The following METTL9 variants were observed in gnomAD, a reference collection of about 807,000 sequenced individuals.
METTL9 encodes the protein protein-L-histidine N-pros-methyltransferase.
METTL9 carries 10 observed loss-of-function variants against 36.0 expected under a neutral mutation model. That is an observed-to-expected ratio of 0.28 (90% CI 0.17 to 0.47). The LOEUF (loss-of-function observed/expected upper bound fraction) is 0.47, where lower values mean the gene tolerates loss of function less well. Ranked by LOEUF, METTL9 falls within the 20% of genes least tolerant of loss-of-function variation. The pLI, the probability that METTL9 is intolerant of heterozygous loss-of-function variation, is 0.99. For missense variants in METTL9, 246 were observed against 383.5 expected, an observed-to-expected ratio of 0.64 and a Z score of 3.00; for synonymous variants, 175 against 149.7, an observed-to-expected ratio of 1.17 and a Z score of -1.23.
rs435897 is a variant in METTL9, at chr16:21,611,255, C to T, written c.166-1390C>T. On this transcript the variant is annotated intron_variant, in intron 1 of 4. Transcript: ENST00000358154. ...AAAATGATTAATCTCTGAAATTTAACGTGCCTGTTTGTTTGTGTTGATTTG... is the reference window on the plus strand; with the variant it reads ...AAAATGATTAATCTCTGAAATTTAATGTGCCTGTTTGTTTGTGTTGATTTG... Among the ~76,000 whole-genome samples the T allele has an allele frequency of 8.9e-3, 1,351 of 152,218 alleles. 47 individuals carry two copies. The highest frequency in any genetic ancestry group is 0.082 in the East Asian group (427 of 5,184).
intron 2 of METTL9, among the ~76,000 whole-genome samples, chr16:21,615,211 C>T (rs1236412979): frequency 6.6e-6 from 1 of 151,954 alleles, no homozygotes; most frequent in Non-Finnish European, 1.5e-5. Flanking sequence ...ACAATGCTTC[C>T]CCTCTTTCTC....
chr16:21,648,730 A>G (rs1280197539), intron 4 of METTL9, among the ~76,000 whole-genome samples: 2 of 152,204 alleles, frequency 1.3e-5, no homozygotes, highest in African/African-American at 2.4e-5. Context: ...TGGTTGAGAC[A>G]AATTGGAATT....
chr16:21,638,862 A>G (rs898169204), intron 4 of METTL9, among the ~76,000 whole-genome samples: 5 of 152,196 alleles, frequency 3.3e-5, no homozygotes, highest in African/African-American at 1.2e-4. Flanking sequence ...AGTTTGCAAA[A>G]GAGGCCTTTG....
At position 21,627,130 on chromosome 16, in the gene METTL9, C is replaced by T. The variant is rs546856871; in HGVS notation, c.751+2015C>T. ...ACCTATAAATTTTGCAGGCGCGCCA[C>T]GGCACTCTATTATTGCTTTCTTTCT... On this transcript the variant is annotated intron_variant, in intron 4 of 4. Transcript: ENST00000358154. The T allele has an allele frequency of 5.7e-5, 56 of 985,316 alleles. No individual in the cohort carries two copies. In the South Asian group the frequency reaches 1.1e-3, roughly 19 times the overall value. The allele number at this position is 985,316 out of a possible 1,614,324, so 61.0% of individuals were successfully genotyped here.
rs1331265035 is a variant in METTL9 at position 21,618,054 on chromosome 16, G to C, written c.546G>C (p.Gln182His). Residue 182 changes from glutamine to histidine, a missense_variant, in exon 3 of 5, where the codon CAG becomes CAC. Physicochemically the swap from Gln to His is conservative, Grantham distance 24. Around this residue, in one of 2 missense-constraint regions of METTL9, gnomAD observed 146 missense variants for 302.1 expected, o/e 0.48. Transcript: ENST00000358154. The stretch of plus-strand genomic sequence containing the variant: ...AGCTTTCTGAAACTATGATATGGCA[G>C]CTTCAGAAAAAGAAATACAGGTATA... ...ATELSETMIWQLQKKKYRVLG... is the reference protein window; with the variant it reads ...ATELSETMIWHLQKKKYRVLG... The C allele has an allele frequency of 1.9e-6, 3 of 1,570,768 alleles. No homozygotes were observed. In the South Asian group the frequency reaches 3.6e-5, roughly 19 times the overall value.
chr16:21,599,426 A>C, upstream of METTL9: 1 of 1,113,966 alleles, frequency 9.0e-7, no homozygotes, highest in Non-Finnish European at 1.1e-6. This position sits in a 1 kb window ranked among gnomAD's most constrained non-coding sequence, Gnocchi z 4.4. Context: ...CCCGCCTCCC[A>C]GCGGCCCGCT....
intron 1 of METTL9, among the ~76,000 whole-genome samples, chr16:21,611,608 G>A (rs977601295): frequency 2.6e-5 from 4 of 152,156 alleles, no homozygotes; most frequent in African/African-American, 7.2e-5. Flanking sequence ...TTCTCACTAC[G>A]TGCTTTGTAT....
At chr16:21,613,759 T>G (rs1477357306) in intron 2 of METTL9, among the ~76,000 whole-genome samples, 1 of 152,170 alleles carries the variant, frequency 6.6e-6, no homozygotes, top group Non-Finnish European at 1.5e-5. Flanking sequence ...TTTTATGAAC[T>G]TATTGTGGAA....
chr16:21,615,510 T>C (rs1157492424), intron 2 of METTL9, among the ~76,000 whole-genome samples: 1 of 152,148 alleles, frequency 6.6e-6, no homozygotes, highest in Non-Finnish European at 1.5e-5. Flanking sequence ...ATTACAGACG[T>C]GAGCCACCAT....
chr16:21,623,494 A>G (rs1965751683), intron 3 of METTL9, among the ~76,000 whole-genome samples: 3 of 152,236 alleles, frequency 2.0e-5, no homozygotes, highest in Middle Eastern at 3.4e-3. Context: ...ACCTGTCTCT[A>G]TCATAACATA....
intron 2 of METTL9, among the ~76,000 whole-genome samples, chr16:21,615,959 C>T (rs1965544983): frequency 6.6e-6 from 1 of 152,150 alleles, no homozygotes; most frequent in South Asian, 2.1e-4. Context: ...TGAGGTCTTT[C>T]TCCAAATTTT....
At chr16:21,610,485 A>G (rs975683374) in intron 1 of METTL9, among the ~76,000 whole-genome samples, 4 of 152,240 alleles carry the variant, frequency 2.6e-5, no homozygotes, top group African/African-American at 9.6e-5. Context: ...GAAAGGACAT[A>G]CGTTTCACCT....
chr16:21,619,582 G>T (rs950188164), intron 3 of METTL9, among the ~76,000 whole-genome samples: 5 of 148,176 alleles, frequency 3.4e-5, no homozygotes, highest in South Asian at 2.2e-4. Context: ...CACTATGCCC[G>T]GCTAATTTTT....
In METTL9 at chr16:21,599,644, G is replaced by GGGCGGTGGC. The variant is rs1310226952; in HGVS notation, c.-80_-72dup. 10 of 1,344,046 alleles carry GGGCGGTGGC rather than the reference G, an allele frequency of 7.4e-6. No individual in the cohort carries two copies. In the Admixed American group the frequency reaches 1.2e-4, roughly 17 times the overall value. The allele number at this position is 1,344,046 out of a possible 1,614,324, so 83.3% of individuals were successfully genotyped here. On this transcript the variant is annotated 5_prime_UTR_variant, in exon 1 of 5. Coordinates refer to ENST00000358154, the MANE Select transcript of METTL9 (RefSeq NM_016025.5). The surrounding 1 kb of genome is among the most constrained non-coding windows in gnomAD (Gnocchi z 4.4). ...AAGGCGGCCGCGATGGCTCGAGCTC[G>GGGCGGTGGC]GGCGGTGGCGGCGGTGGCCGGAGGC...
rs3046231 is a variant in METTL9, at chr16:21,605,257, C to CTTTTTTTTTTTTTTTTT, written c.165+5382_165+5398dup. On this transcript the variant is annotated intron_variant, in intron 1 of 4. Coordinates refer to ENST00000358154, the MANE Select transcript of METTL9 (RefSeq NM_016025.5). The stretch of plus-strand genomic sequence containing the variant: ...GGGGTGGTAAAAATAGGCTTGCCTT[C>CTTTTTTTTTTTTTTTTT]TTTTTTTTTTTTTTTTTTTTTTTTT... Among the ~76,000 whole-genome samples the CTTTTTTTTTTTTTTTTT allele has an allele frequency of 1.3e-3, 69 of 51,234 alleles. 23 individuals are homozygous for CTTTTTTTTTTTTTTTTT. Among genetic ancestry groups the CTTTTTTTTTTTTTTTTT allele is most frequent in the Non-Finnish European group, 2.0e-3 (52 of 25,854 alleles). 33.6% of individuals were successfully genotyped at this position (51,234 alleles called of 152,430 possible).
chr16:21,599,670 G>A lies in METTL9; in HGVS notation c.-64G>A, dbSNP rs1460085155. On this transcript the variant is annotated 5_prime_UTR_variant, in exon 1 of 5. Coordinates refer to ENST00000358154, the MANE Select transcript of METTL9 (RefSeq NM_016025.5). The surrounding 1 kb of genome is among the most constrained non-coding windows in gnomAD (Gnocchi z 4.4). ...GGCGGTGGCGGCGGTGGCCGGAGGC[G>A]GCGGTGCCTCCTCCTCCTCGCCCCG... The A allele has an allele frequency of 6.6e-6, 9 of 1,365,844 alleles. No individual in the cohort carries two copies. The highest frequency in any genetic ancestry group is 8.4e-6 in the Non-Finnish European group (9 of 1,068,564). The allele number at this position is 1,365,844 out of a possible 1,614,324, so 84.6% of individuals were successfully genotyped here.
intron 4 of METTL9, among the ~76,000 whole-genome samples, chr16:21,651,458 C>T (rs1415155801): frequency 2.6e-5 from 4 of 151,996 alleles, no homozygotes; most frequent in Admixed American, 6.6e-5. Context: ...GGTGCCATCA[C>T]GCCCAGCTAT....
At position 21,612,331 on chromosome 16, in the gene METTL9, G is replaced by A. The variant is rs1403692732; in HGVS notation, c.166-314G>A. On this transcript the variant is annotated intron_variant, in intron 1 of 4. Coordinates refer to ENST00000358154, the MANE Select transcript of METTL9 (RefSeq NM_016025.5). ...GACTGAAGCACTGGGCTGGGAGTCC[G>A]AGTGCCTGAGCTGTGGTCTGGTTCT... The A allele has an allele frequency of 2.9e-5, 6 of 210,358 alleles. No individual in the cohort carries two copies. The South Asian group carries it at 5.4e-4, about 19-fold the overall frequency. The allele number at this position is 210,358 out of a possible 1,614,324, so 13.0% of individuals were successfully genotyped here.
chr16:21,636,702 G>T (rs550224413), intron 4 of METTL9, among the ~76,000 whole-genome samples: 1 of 152,258 alleles, frequency 6.6e-6, no homozygotes, highest in South Asian at 2.1e-4. Flanking sequence ...GCCAACCACC[G>T]CTCCCAACTC....
Sources: allele counts gnomAD v4.1 joint callset (sites outside exome capture counted in the v4.1 genomes callset), GRCh38; gene constraint gnomAD v4.1.1; regional missense constraint gnomAD v4.1.1; non-coding constraint Gnocchi (gnomAD v3.1); transcripts MANE v1.5; gene names NCBI Gene and HGNC (gene_info 2026-07-23, HGNC 2026-07-21).